The following DMD variants were observed in gnomAD, a reference collection of about 807,000 sequenced individuals.
DMD encodes dystrophin.
In DMD, 63 loss-of-function variants were observed where a neutral mutation model predicts 330.1. The observed-to-expected ratio is 0.19, with a 90% confidence interval of 0.16 to 0.24. The LOEUF (loss-of-function observed/expected upper bound fraction) is 0.24, where lower values mean the gene tolerates loss of function less well. Ranked by LOEUF, DMD falls within the 10% of genes least tolerant of loss-of-function variation. The probability of loss-of-function intolerance (pLI) is 1.00; values close to 1 mark genes in which losing one functional copy is unlikely to be tolerated. For synonymous variants in DMD, 1,223 were observed against 959.8 expected (o/e 1.27, Z -5.07); for missense variants, 3,344 against 2,684.1 (o/e 1.25, Z -5.43).
At chrX:32,788,435 T>C (rs772869448) in intron 7 of DMD, among the ~76,000 whole-genome samples, 2 of 112,371 alleles carry the variant, frequency 1.8e-5, no homozygotes, top group Admixed American at 9.4e-5. Context: ...TGTGGAAATC[T>C]GTATGTTGGT....
chrX:32,678,617 A>C (rs1026578099), intron 9 of DMD, among the ~76,000 whole-genome samples: 5 of 111,047 alleles, frequency 4.5e-5, no homozygotes, highest in Admixed American at 3.9e-4. Flanking sequence ...ATATGAGTAC[A>C]TTCTACGAAA....
Position 31,222,020 on chromosome X carries a change from G to A in DMD, c.9361+1027C>T, listed in dbSNP as rs772739288. Among the ~76,000 whole-genome samples, 16 of 110,691 alleles carry A rather than the reference G, an allele frequency of 1.4e-4. No homozygotes were observed. In the East Asian group the frequency reaches 3.1e-3, roughly 22 times the overall value. On this transcript the variant is annotated intron_variant, in intron 64 of 78. Transcript: ENST00000357033. ...ATCCTGGCTAACACGGTGAAACCCC[G>A]CCTCTACTAAAATTACAAAAACAAA...
intron 2 of DMD, among the ~76,000 whole-genome samples, chrX:32,969,007 G>GA (rs1319856526): frequency 1.5e-5 from 1 of 66,508 alleles, no homozygotes; most frequent in African/African-American, 5.9e-5. Flanking sequence ...CAGCCTGGGA[G>GA]ACAGAATGAG....
chrX:31,588,831 T>C (rs1239577720), intron 55 of DMD, among the ~76,000 whole-genome samples: 3 of 108,737 alleles, frequency 2.8e-5, no homozygotes, highest in Non-Finnish European at 5.7e-5. Flanking sequence ...CTTTACTTTT[T>C]CCTTTTGTAT....
chrX:31,559,797 C>T (rs866308321), intron 55 of DMD, among the ~76,000 whole-genome samples: 1 of 109,137 alleles, frequency 9.2e-6, no homozygotes, highest in Non-Finnish European at 1.9e-5. Context: ...TCCCTAATTC[C>T]CAACTCACCA....
intron 16 of DMD, among the ~76,000 whole-genome samples, chrX:32,556,071 T>G (rs1302648351): frequency 8.9e-6 from 1 of 111,799 alleles, no homozygotes; most frequent in Non-Finnish European, 1.9e-5. Context: ...CATCTATCCA[T>G]CTGACAATGG....
chrX:32,413,829 T>C (rs1054058430), intron 29 of DMD, among the ~76,000 whole-genome samples: 3 of 106,891 alleles, frequency 2.8e-5, no homozygotes, highest in African/African-American at 1.0e-4. Context: ...CAAGTGATTC[T>C]CCTGCCTCAG....
Position 32,534,289 on chromosome X carries a change from T to C in DMD, c.2168+10870A>G, listed in dbSNP as rs759935695. On this transcript the variant is annotated intron_variant, in intron 17 of 78. Coordinates refer to ENST00000357033, the MANE Select transcript of DMD (RefSeq NM_004006.3). ...GTCCCTTCCCAAATCTTATGCTGAA[T>C]TGTAAACTCCAGTGCTGGAAATGGG... Among the ~76,000 whole-genome samples the C allele has an allele frequency of 3.6e-5, 4 of 111,783 alleles. No homozygotes were observed. The South Asian group carries it at 1.1e-3, about 32-fold the overall frequency.
intron 1 of DMD, among the ~76,000 whole-genome samples, chrX:33,186,045 A>G (rs1020445244): frequency 9.0e-6 from 1 of 111,698 alleles, no homozygotes; most frequent in Non-Finnish European, 1.9e-5. Context: ...GCGTGGGGCC[A>G]AACAGAGGGG....
At chrX:31,687,281 G>C (rs751010527) in intron 52 of DMD, among the ~76,000 whole-genome samples, 1 of 110,355 alleles carries the variant, frequency 9.1e-6, no homozygotes, top group East Asian at 2.9e-4. Context: ...TTTGAGAAAA[G>C]TAGACAGAAA....
chrX:31,247,787 C>T (rs1372215705), intron 63 of DMD, among the ~76,000 whole-genome samples: 1 of 111,183 alleles, frequency 9.0e-6, no homozygotes, highest in African/African-American at 3.3e-5. Context: ...GTAGTGGAAA[C>T]AGGAAGAAAA....
chrX:31,245,066 A>T (rs781039818), intron 63 of DMD, among the ~76,000 whole-genome samples: 2 of 111,888 alleles, frequency 1.8e-5, no homozygotes, highest in Non-Finnish European at 3.8e-5. Context: ...CTGAATCCAT[A>T]GTGACACTTT....
rs1479876978 is a variant in DMD, at chrX:31,373,878, C to T, written c.9085-25244G>A. Among the ~76,000 whole-genome samples the T allele has an allele frequency of 1.9e-3, 209 of 109,291 alleles. 2 individuals carry two copies. Among genetic ancestry groups the T allele is most frequent in the Non-Finnish European group, 2.8e-3 (148 of 52,671 alleles). The allele number at this position is 109,291 out of a possible 115,157, so 94.9% of individuals were successfully genotyped here. On this transcript the variant is annotated intron_variant, in intron 60 of 78. Coordinates refer to ENST00000357033, the MANE Select transcript of DMD (RefSeq NM_004006.3). ...CAAAAGAAACTACCATCAGAGTGAA[C>T]AGGCAACCTACAAAATGGGAGAAAA...
chrX:31,763,916 C>G (rs975185743), intron 51 of DMD, among the ~76,000 whole-genome samples: 8 of 110,952 alleles, frequency 7.2e-5, no homozygotes, highest in Admixed American at 3.8e-4. Flanking sequence ...TGTTCCATTG[C>G]CCAGGTTGGA....
intron 50 of DMD, among the ~76,000 whole-genome samples, chrX:31,788,523 C>T (rs773985171): frequency 8.1e-5 from 9 of 111,248 alleles, no homozygotes; most frequent in Non-Finnish European, 1.7e-4. Context: ...GTTTCTTGTG[C>T]ACTTGATAAG....
chrX:32,738,751 G>A (rs1363958735), intron 7 of DMD, among the ~76,000 whole-genome samples: 2 of 111,444 alleles, frequency 1.8e-5, no homozygotes, highest in African/African-American at 6.5e-5. Context: ...AGTTAGCAGA[G>A]CAGATAAGGT....
chrX:31,380,012 T>C (rs960219165), intron 60 of DMD, among the ~76,000 whole-genome samples: 2 of 111,193 alleles, frequency 1.8e-5, no homozygotes, highest in African/African-American at 6.6e-5. Context: ...CCCTAGACCA[T>C]CACAGATGCC....
intron 2 of DMD, among the ~76,000 whole-genome samples, chrX:32,856,807 G>A (rs2081601851): frequency 8.9e-6 from 1 of 111,783 alleles, no homozygotes; most frequent in Non-Finnish European, 1.9e-5. Context: ...CAGGCACGGT[G>A]GCTCACGCCT....
At chrX:32,756,488 T>C (rs1306931496) in intron 7 of DMD, 1 of 111,906 alleles carries the variant, frequency 8.9e-6, no homozygotes, top group Non-Finnish European at 1.9e-5. Context: ...AACACATCTC[T>C]TCAAATATTT....
Sources: gnomAD v4.1 joint callset for allele counts (sites outside exome capture counted in the v4.1 genomes callset) on GRCh38, gnomAD v4.1.1 for gene constraint, MANE v1.5 for transcripts, NCBI Gene and HGNC (gene_info 2026-07-23, HGNC 2026-07-21) for gene names.